Variants in CNTNAP2 observed in about 807,000 individuals in gnomAD.
The protein encoded by CNTNAP2 is contactin associated protein 2.
CNTNAP2 carries 98 observed loss-of-function variants against 155.2 expected under a neutral mutation model. That is an observed-to-expected ratio of 0.63 (90% CI 0.54 to 0.75). The LOEUF (loss-of-function observed/expected upper bound fraction) is 0.75. Among genes scored for constraint, CNTNAP2 ranks in the 30% least tolerant of loss-of-function variants. The probability of loss-of-function intolerance (pLI) is 0.00; values close to 1 mark genes in which losing one functional copy is unlikely to be tolerated. For synonymous variants in CNTNAP2, 651 were observed against 631.2 expected (o/e 1.03, Z -0.47); for missense variants, 1,727 against 1,688.1 (o/e 1.02, Z -0.40).
chr7:147,225,986 AGAAAGAAAGAAAGAAAGAAT>A (rs1045326632), intron 8 of CNTNAP2, among the ~76,000 whole-genome samples: 4 of 146,920 alleles, frequency 2.7e-5, no homozygotes, highest in Admixed American at 6.7e-5. Context: ...AAAGAAAGAG[AGAAAGAAAGAAAGAAAGAAT>A]GAAAGAAAGA....
Position 146,822,798 on chromosome 7 carries a change from T to C in CNTNAP2, c.209-16913T>C, listed in dbSNP as rs907022874. 2.3e-4 allele frequency among the ~76,000 whole-genome samples: 35 copies of C among 149,032 alleles called. 1 individual carries two copies. The highest frequency in any genetic ancestry group is 1.0e-4 in the Non-Finnish European group (7 of 67,388). ...ATACTCATTCTTCAGCATATTTAAA[T>C]ATAAATATACTCATTCTTCAGCATA... is the stretch of plus-strand genomic sequence containing the variant. On this transcript the variant is annotated intron_variant, in intron 2 of 23. Coordinates refer to ENST00000361727, the MANE Select transcript of CNTNAP2 (RefSeq NM_014141.6).
At chr7:148,131,510 C>A in intron 16 of CNTNAP2, among the ~76,000 whole-genome samples, 1 of 152,218 alleles carries the variant, frequency 6.6e-6, no homozygotes, top group Non-Finnish European at 1.5e-5. Context: ...TGCCTATGAC[C>A]ATCTGTAAGA....
chr7:147,051,800 G>A (rs767759930), intron 4 of CNTNAP2, among the ~76,000 whole-genome samples: 24 of 151,800 alleles, frequency 1.6e-4, no homozygotes, highest in Admixed American at 1.3e-4. Context: ...TATTTTAAAG[G>A]CATTTTGCTA....
At chr7:146,553,925 T>C (rs1798158108) in intron 1 of CNTNAP2, among the ~76,000 whole-genome samples, 2 of 152,310 alleles carry the variant, frequency 1.3e-5, no homozygotes, top group African/African-American at 2.4e-5. Context: ...TGATTTTTTC[T>C]TTTTTACTGA....
chr7:147,946,346 A>G (rs1189652579), intron 14 of CNTNAP2, among the ~76,000 whole-genome samples: 1 of 152,120 alleles, frequency 6.6e-6, no homozygotes, highest in Non-Finnish European at 1.5e-5. Flanking sequence ...AGCCAAGTGT[A>G]TAAGTGAAAA....
At chr7:147,401,483 C>T (rs1312150429) in intron 10 of CNTNAP2, among the ~76,000 whole-genome samples, 1 of 151,784 alleles carries the variant, frequency 6.6e-6, no homozygotes. Context: ...AATGAATTTT[C>T]ATAAGAACAT....
intron 1 of CNTNAP2, among the ~76,000 whole-genome samples, chr7:146,724,290 G>A (rs1427577038): frequency 6.6e-6 from 1 of 152,116 alleles, no homozygotes; most frequent in African/African-American, 2.4e-5. Context: ...AGTTACTGTT[G>A]AATAGTTAGG....
intron 1 of CNTNAP2, among the ~76,000 whole-genome samples, chr7:146,599,950 C>T (rs981633312): frequency 5.3e-5 from 8 of 151,932 alleles, no homozygotes; most frequent in East Asian, 1.9e-4. Flanking sequence ...TTATATTTCC[C>T]GTTAATTTCC....
chr7:146,848,102 C>T (rs1794796406), intron 3 of CNTNAP2, among the ~76,000 whole-genome samples: 1 of 152,140 alleles, frequency 6.6e-6, no homozygotes, highest in African/African-American at 2.4e-5. Context: ...GCACCAGGAA[C>T]ATCCAGGAGC....
At chr7:148,055,397 C>T (rs1010123563) in intron 15 of CNTNAP2, among the ~76,000 whole-genome samples, 5 of 152,168 alleles carry the variant, frequency 3.3e-5, no homozygotes, top group African/African-American at 1.2e-4. Flanking sequence ...GGAGGCTATG[C>T]ACCCGTGTCA....
chr7:148,241,258 G>T (rs183365677), intron 20 of CNTNAP2, among the ~76,000 whole-genome samples: 1 of 152,178 alleles, frequency 6.6e-6, no homozygotes, highest in East Asian at 1.9e-4. Flanking sequence ...CCAATAAAAC[G>T]GTAGTTTTCT....
chr7:146,687,796 A>C (rs1013232378), intron 1 of CNTNAP2, among the ~76,000 whole-genome samples: 5 of 152,322 alleles, frequency 3.3e-5, no homozygotes, highest in Admixed American at 2.0e-4. Flanking sequence ...ATAAATGAGC[A>C]AAACTTTCTT....
intron 1 of CNTNAP2, among the ~76,000 whole-genome samples, chr7:146,708,432 A>C (rs2129174609): frequency 6.6e-6 from 1 of 151,968 alleles, no homozygotes; most frequent in African/African-American, 2.4e-5. Flanking sequence ...GCTGAAGCTT[A>C]AATGCTTTAA....
chr7:147,122,775 G>T (rs1584857745), intron 6 of CNTNAP2: 1 of 152,262 alleles, frequency 6.6e-6, no homozygotes. Context: ...TTTCAAACAT[G>T]CTATGGCACC....
chr7:147,027,004 G>GAAAAAAAAAAAAAAAAAAAAAAGAAAAA (rs57810224), intron 3 of CNTNAP2, among the ~76,000 whole-genome samples: 7 of 67,352 alleles, frequency 1.0e-4, no homozygotes, highest in Non-Finnish European at 1.7e-4. Flanking sequence ...AAACAGAACA[G>GAAAAAAAAAAAAAAAAAAAAAAGAAAAA]AAAAAAAAAA....
At chr7:146,133,830 C>T (rs1279356170) in intron 1 of CNTNAP2, among the ~76,000 whole-genome samples, 7 of 151,882 alleles carry the variant, frequency 4.6e-5, no homozygotes, top group South Asian at 2.1e-4. Context: ...TGTAGTATAG[C>T]TTGAAGTCAG....
intron 1 of CNTNAP2, among the ~76,000 whole-genome samples, chr7:146,596,378 A>G (rs1470104543): frequency 1.3e-5 from 2 of 151,942 alleles, no homozygotes; most frequent in Non-Finnish European, 2.9e-5. Flanking sequence ...CTGTGTAATA[A>G]TGAGAGGAAA....
At chr7:147,825,977 G>C (rs994705946) in intron 13 of CNTNAP2, among the ~76,000 whole-genome samples, 1 of 152,188 alleles carries the variant, frequency 6.6e-6, no homozygotes, top group Non-Finnish European at 1.5e-5. Flanking sequence ...TTTTTGTGGA[G>C]GGATAGTAGG....
At position 146,189,300 on chromosome 7, in the gene CNTNAP2, G is replaced by A. The variant is rs147612690; in HGVS notation, c.97+72327G>A. Among the ~76,000 whole-genome samples the A allele has an allele frequency of 5.3e-3, 799 of 152,172 alleles. 6 individuals carry two copies. Among genetic ancestry groups the A allele is most frequent in the African/African-American group, 0.018 (756 of 41,544 alleles). On this transcript the variant is annotated intron_variant, in intron 1 of 23. Transcript: ENST00000361727. ...GCCTTACATTGTGTACATAGTTAAT[G>A]CTCAATTAATATTATCCTTGATGAC...
Sources: allele counts gnomAD v4.1 joint callset (sites outside exome capture counted in the v4.1 genomes callset), GRCh38; gene constraint gnomAD v4.1.1; transcripts MANE v1.5; gene names NCBI Gene and HGNC (gene_info 2026-07-23, HGNC 2026-07-21).